DUS4L: variants seen among roughly 807,000 people sequenced by gnomAD.
DUS4L encodes tRNA-dihydrouridine(20a/20b) synthase [NAD(P)+]-like.
Under a neutral mutation model 33.8 loss-of-function variants are expected in DUS4L, and 31 were observed. The ratio of observed to expected loss-of-function variants is 0.92; its 90% CI spans 0.69 to 1.24. The LOEUF (loss-of-function observed/expected upper bound fraction) is 1.24, where lower values mean the gene tolerates loss of function less well. Ranked by LOEUF, DUS4L falls within the 50% of genes most tolerant of loss-of-function variation. DUS4L has a pLI of 0.00. For missense variants in DUS4L, 368 were observed against 388.6 expected (o/e 0.95, Z 0.45); for synonymous variants, 103 against 120.3 (o/e 0.86, Z 0.94).
Position 107,577,130 on chromosome 7 carries a change from C to T in DUS4L, c.707-183C>T, listed in dbSNP as rs993957748. The T allele has an allele frequency of 1.0e-5, 8 of 774,254 alleles. No homozygotes were observed. In the African/African-American group the frequency reaches 1.2e-4, roughly 12 times the overall value. 48.0% of individuals were successfully genotyped at this position (774,254 alleles called of 1,614,324 possible). On this transcript the variant is annotated intron_variant, in intron 7 of 7. Coordinates refer to ENST00000265720, the MANE Select transcript of DUS4L (RefSeq NM_181581.3). ...TTTCTGTACGTACATTTAAACTTTC[C>T]TGGTTTACAAAAGGTACCAAAATTA...
Position 107,575,284 on chromosome 7 carries a change from T to A in DUS4L, c.453T>A (p.Pro151=). 9 of 1,611,696 alleles carry A rather than the reference T, an allele frequency of 5.6e-6. No homozygotes were observed. Among genetic ancestry groups the A allele is most frequent in the Non-Finnish European group, 7.6e-6 (9 of 1,179,358 alleles). ...VKQVRNQVET[P]GFSVSIKIRI... is the part of the protein sequence containing the mutation. ...AAGTAAGAAATCAAGTGGAAACCCC[T>A]GGATTTTCAGTTTCTATTAAAATAA... The change falls in exon 6 of 8, where the codon CCT becomes CCA. Residue 151 remains proline, a synonymous_variant. Transcript: ENST00000265720.
chr7:107,576,975 C>T, intron 7 of DUS4L: 1 of 290,388 alleles, frequency 3.4e-6, no homozygotes, highest in African/African-American at 2.2e-5. Context: ...CATGCCAAGC[C>T]CTATAATTGC....
chr7:107,565,487 C>T (rs1804564544), intron 2 of DUS4L, among the ~76,000 whole-genome samples: 2 of 152,150 alleles, frequency 1.3e-5, no homozygotes. Flanking sequence ...AAAAGCTCCT[C>T]GGGTCATTGT....
chr7:107,575,081 T>C, intron 5 of DUS4L, 107 bp from the exon 6 acceptor site: 1 of 1,452,902 alleles, frequency 6.9e-7, no homozygotes, highest in South Asian at 1.2e-5. Flanking sequence ...CTGCTTCTCT[T>C]CCAGATCACT....
intron 2 of DUS4L, among the ~76,000 whole-genome samples, chr7:107,566,245 A>G (rs1351622691): frequency 6.6e-6 from 1 of 152,120 alleles, no homozygotes; most frequent in Non-Finnish European, 1.5e-5. Context: ...GTTGGCCCAT[A>G]TCTGATTCTT....
intron 3 of DUS4L, among the ~76,000 whole-genome samples, chr7:107,569,570 A>C (rs1216014203): frequency 6.6e-6 from 1 of 152,240 alleles, no homozygotes; most frequent in Non-Finnish European, 1.5e-5. Context: ...CCATGAACAC[A>C]GTATATCTTT....
intron 3 of DUS4L, among the ~76,000 whole-genome samples, chr7:107,569,486 T>C (rs1805006103): frequency 6.6e-6 from 1 of 152,208 alleles, no homozygotes; most frequent in Non-Finnish European, 1.5e-5. Flanking sequence ...TGCTGGAATT[T>C]TCATAAGAAC....
intron 4 of DUS4L, among the ~76,000 whole-genome samples, chr7:107,573,428 A>G (rs970547523): frequency 6.6e-6 from 1 of 152,266 alleles, no homozygotes; most frequent in East Asian, 1.9e-4. Context: ...GGAATGCAGT[A>G]AACTAATTCT....
In DUS4L at chr7:107,577,727, T is replaced by G. The variant is rs1805880222; in HGVS notation, c.*167T>G. 3.1e-6 allele frequency: 2 copies of G among 653,558 alleles called. No individual in the cohort carries two copies. The highest frequency in any genetic ancestry group is 5.0e-6 in the Non-Finnish European group (2 of 401,972). 40.5% of individuals were successfully genotyped at this position (653,558 alleles called of 1,614,324 possible). On this transcript the variant is annotated 3_prime_UTR_variant, in exon 8 of 8. Transcript: ENST00000265720. ...AGACACCACCCTCAGAGATTCTGAT[T>G]AGGTAGATCTGGAGTAGACCCAGAA...
chr7:107,575,382 T>C, intron 6 of DUS4L, 72 bp downstream of exon 6: 1 of 1,537,908 alleles, frequency 6.5e-7, no homozygotes, highest in Non-Finnish European at 8.8e-7. Context: ...TGCTTTTGTC[T>C]GATGCTGTTG....
At chr7:107,570,905 C>T in intron 3 of DUS4L, 9 of 392,060 alleles carry the variant, frequency 2.3e-5, no homozygotes, top group South Asian at 2.2e-4. Flanking sequence ...CCCTGTCATT[C>T]CTCAGGTCCT....
At chr7:107,567,356 T>A (rs2129188790) in intron 3 of DUS4L, among the ~76,000 whole-genome samples, 170 bp downstream of exon 3, 1 of 152,294 alleles carries the variant, frequency 6.6e-6, no homozygotes, top group African/African-American at 2.4e-5. Context: ...ATATATGTGA[T>A]CCTGAGTAAA....
At chr7:107,568,598 G>GT (rs1268529117) in intron 3 of DUS4L, among the ~76,000 whole-genome samples, 1 of 152,108 alleles carries the variant, frequency 6.6e-6, no homozygotes, top group Non-Finnish European at 1.5e-5. Context: ...TGATTTGCAC[G>GT]TATTTTCTCC....
intron 7 of DUS4L, 36 bp downstream of exon 7, chr7:107,576,628 G>T: frequency 1.3e-6 from 2 of 1,528,996 alleles, no homozygotes; most frequent in Non-Finnish European, 8.8e-7. Flanking sequence ...TTAATTGGGG[G>T]GGGAAGAAAT....
chr7:107,570,058 T>C (rs1805064175), intron 3 of DUS4L: 1 of 152,154 alleles, frequency 6.6e-6, no homozygotes, highest in Non-Finnish European at 1.5e-5. Context: ...ACTTCTGGTT[T>C]TCCAAGAGTT....
intron 4 of DUS4L, among the ~76,000 whole-genome samples, chr7:107,571,832 T>A (rs1199238998): frequency 6.6e-6 from 1 of 152,200 alleles, no homozygotes; most frequent in Non-Finnish European, 1.5e-5. Context: ...GACCTCTGAA[T>A]ACATCTTCTG....
chr7:107,573,660 G>A (rs1162794489), intron 4 of DUS4L, 44 bp from the exon 5 acceptor site: 3 of 1,584,038 alleles, frequency 1.9e-6, no homozygotes, highest in Non-Finnish European at 1.7e-6. Flanking sequence ...TGTGCATGGG[G>A]TTTTTTCCTG....
At chr7:107,565,560 G>T (rs746695801) in intron 2 of DUS4L, among the ~76,000 whole-genome samples, 1 of 152,140 alleles carries the variant, frequency 6.6e-6, no homozygotes, top group African/African-American at 2.4e-5. Flanking sequence ...GTCTAGCTCT[G>T]TTACCCAGGC....
chr7:107,565,984 C>A lies in DUS4L; in HGVS notation c.-21-1066C>A, dbSNP rs560986687. On this transcript the variant is annotated intron_variant, in intron 2 of 7. Transcript: ENST00000265720. ...TTGCCTTACTTTGATGTTTAAGATA[C>A]CTATCCCCTCCTTCCTTCATAATGG... Among the ~76,000 whole-genome samples, 7 of 152,182 alleles carry A rather than the reference C, an allele frequency of 4.6e-5. No homozygotes were observed. The East Asian group carries it at 1.4e-3, about 29-fold the overall frequency.
Sources: allele counts gnomAD v4.1 joint callset (sites outside exome capture counted in the v4.1 genomes callset), GRCh38; gene constraint gnomAD v4.1.1; transcripts MANE v1.5; gene names NCBI Gene and HGNC (gene_info 2026-07-23, HGNC 2026-07-21).